The following IQGAP1 variants were observed in gnomAD, a reference collection of about 807,000 sequenced individuals.
IQGAP1 encodes the protein IQ motif containing GTPase activating protein 1, also known as ras GTPase-activating-like protein IQGAP1.
In IQGAP1, 66 loss-of-function variants were observed where a neutral mutation model predicts 215.6. The ratio of observed to expected loss-of-function variants is 0.31; its 90% CI spans 0.25 to 0.38. IQGAP1 has a LOEUF of 0.38. Ranked by LOEUF, IQGAP1 falls within the 10% of genes least tolerant of loss-of-function variation. The pLI is 1.00. For missense variants in IQGAP1, 1,712 were observed against 1,997.1 expected (o/e 0.86, Z 2.72); for synonymous variants, 772 against 728.7 (o/e 1.06, Z -0.96).
rs1334102352 is a variant in IQGAP1, at chr15:90,501,200, C to G, written c.*1092C>G. On this transcript the variant is annotated 3_prime_UTR_variant, in exon 38 of 38. Coordinates refer to ENST00000268182, the MANE Select transcript of IQGAP1 (RefSeq NM_003870.4). ...TTAATTGTCTAAAACAAAAACAAAA[C>G]CAGCCAACCTATGTTACACGTGAGA... The G allele has an allele frequency of 6.6e-6, 1 of 152,302 alleles. No homozygotes were observed. Among genetic ancestry groups the G allele is most frequent in the African/African-American group, 2.4e-5 (1 of 41,384 alleles). 9.4% of individuals were successfully genotyped at this position (152,302 alleles called of 1,614,324 possible).
chr15:90,410,773 A>G (rs1349290074), intron 2 of IQGAP1, among the ~76,000 whole-genome samples: 1 of 151,876 alleles, frequency 6.6e-6, no homozygotes, highest in Non-Finnish European at 1.5e-5. Context: ...CAGCACACCA[A>G]CATGGCACGT....
chr15:90,480,737 C>G (rs1966046838), intron 26 of IQGAP1, among the ~76,000 whole-genome samples: 1 of 152,186 alleles, frequency 6.6e-6, no homozygotes, highest in East Asian at 1.9e-4. Flanking sequence ...GGTGTAATCT[C>G]AGCTCACTGC....
intron 9 of IQGAP1, among the ~76,000 whole-genome samples, chr15:90,445,778 G>C (rs1325642387): frequency 6.6e-6 from 1 of 151,686 alleles, no homozygotes; most frequent in African/African-American, 2.4e-5. Context: ...AACTAGAGAG[G>C]ATTTAGAAGA....
intron 2 of IQGAP1, among the ~76,000 whole-genome samples, chr15:90,412,319 G>A (rs1358570113): frequency 1.3e-5 from 2 of 152,116 alleles, no homozygotes; most frequent in African/African-American, 2.4e-5. Context: ...TGAAAAACAA[G>A]CCTTTTTTGT....
rs943494137 is a variant in IQGAP1, at chr15:90,484,235, T to G, written c.3804T>G (p.Thr1268=). 6 of 1,613,740 alleles carry G rather than the reference T, an allele frequency of 3.7e-6. No individual in the cohort carries two copies. The African/African-American group carries it at 8.0e-5, about 22-fold the overall frequency. ...SYQKFRRFFQ[T]ACDVPELQDK... is the part of the protein sequence containing the mutation. The stretch of plus-strand genomic sequence containing the variant: ...CTTATTTCAGACGGTTTTTCCAAAC[T>G]GCTTGTGATGTCCCAGAGCTTCAGG... Residue 1268 remains threonine, a synonymous_variant, in exon 30 of 38, where the codon ACT becomes ACG. Transcript: ENST00000268182.
At chr15:90,483,125 A>C in intron 28 of IQGAP1, 1 of 441,726 alleles carries the variant, frequency 2.3e-6, no homozygotes, top group South Asian at 2.9e-5. Flanking sequence ...AACTACTGGC[A>C]GTAGTTTTCA....
intron 2 of IQGAP1, among the ~76,000 whole-genome samples, chr15:90,407,363 A>T (rs1453473007): frequency 6.6e-6 from 1 of 152,186 alleles, no homozygotes; most frequent in Non-Finnish European, 1.5e-5. Flanking sequence ...TAGTTTAGGA[A>T]TTCAGTCAAC....
Position 90,441,651 on chromosome 15 carries a change from T to C in IQGAP1, c.795T>C (p.Ala265=), listed in dbSNP as rs1165291106. 3 of 1,611,038 alleles carry C rather than the reference T, an allele frequency of 1.9e-6. No individual in the cohort carries two copies. Among genetic ancestry groups the C allele is most frequent in the Non-Finnish European group, 2.5e-6 (3 of 1,178,834 alleles). Residue 265 remains alanine (A), a synonymous_variant, in exon 8 of 38, where the codon GCT becomes GCC. Coordinates refer to ENST00000268182, the MANE Select transcript of IQGAP1 (RefSeq NM_003870.4). Reference sequence around the variant, plus strand: ...CTTACCAGGATATACTTTACCAGGCTAAGCAGGACAAAATGACAAATGCTA... The same window carrying C: ...CTTACCAGGATATACTTTACCAGGCCAAGCAGGACAAAATGACAAATGCTA... ...ASTYQDILYQ[A]KQDKMTNAKN...
At chr15:90,459,699 GTTTTTTGTTT>G (rs894517877) in intron 15 of IQGAP1, among the ~76,000 whole-genome samples, 2 of 152,040 alleles carry the variant, frequency 1.3e-5, no homozygotes, top group African/African-American at 4.8e-5. Flanking sequence ...TTTGGTTTGG[GTTTTTTGTTT>G]TGTTTTGTTT....
intron 26 of IQGAP1, among the ~76,000 whole-genome samples, chr15:90,479,605 G>T (rs956228370): frequency 7.3e-5 from 11 of 151,562 alleles, no homozygotes; most frequent in Non-Finnish European, 1.6e-4. Context: ...AATTAGCTGG[G>T]TGTGGTTGTG....
chr15:90,392,617 C>T (rs755745173), intron 2 of IQGAP1, among the ~76,000 whole-genome samples: 2 of 152,090 alleles, frequency 1.3e-5, no homozygotes, highest in African/African-American at 4.8e-5. Flanking sequence ...TGGCTAACAC[C>T]TCCCCTCCCC....
At chr15:90,449,822 T>C (rs1353069114) in intron 11 of IQGAP1, among the ~76,000 whole-genome samples, 179 bp downstream of exon 11, 1 of 152,226 alleles carries the variant, frequency 6.6e-6, no homozygotes, top group Non-Finnish European at 1.5e-5. Flanking sequence ...TTTTAATTGC[T>C]GTGTAATAGT....
intron 11 of IQGAP1, among the ~76,000 whole-genome samples, chr15:90,450,677 A>C (rs1400937989): frequency 6.6e-6 from 1 of 151,808 alleles, no homozygotes; most frequent in Non-Finnish European, 1.5e-5. Flanking sequence ...TGTGGTTTTG[A>C]TGTGTATTTC....
At position 90,441,519 on chromosome 15, in the gene IQGAP1, T is replaced by A; in HGVS notation, c.663T>A (p.Val221=). ...SVDEAALHAA[V]IAINEAIDRR... The stretch of plus-strand genomic sequence containing the variant: ...TTTTTTTTTTAGTACATGCTGCTGT[T>A]ATTGCTATTAATGAAGCTATTGACC... The change falls in exon 8 of 38, where the codon GTT becomes GTA. Residue 221 remains valine, a synonymous_variant. Transcript: ENST00000268182. The A allele has an allele frequency of 6.2e-7, 1 of 1,613,344 alleles. No homozygotes were observed. The highest frequency in any genetic ancestry group is 8.5e-7 in the Non-Finnish European group (1 of 1,179,650).
At chr15:90,464,557 T>C (rs1323897567) in intron 15 of IQGAP1, among the ~76,000 whole-genome samples, 1 of 151,848 alleles carries the variant, frequency 6.6e-6, no homozygotes, top group African/African-American at 2.4e-5. Context: ...TTCTTGAAAA[T>C]TGGAAGATAA....
chr15:90,446,971 A>T (rs907760241), intron 9 of IQGAP1, among the ~76,000 whole-genome samples: 21 of 152,322 alleles, frequency 1.4e-4, no homozygotes, highest in East Asian at 1.2e-3. Flanking sequence ...AGCAAAATTT[A>T]CTAGATGCTT....
intron 2 of IQGAP1, among the ~76,000 whole-genome samples, chr15:90,403,348 G>A (rs1222626564): frequency 6.6e-6 from 1 of 152,038 alleles, no homozygotes; most frequent in African/African-American, 2.4e-5. Flanking sequence ...CTTGACTTTT[G>A]GGGTTTTCCT....
At position 90,501,491 on chromosome 15, in the gene IQGAP1, A is replaced by G; in HGVS notation, c.*1383A>G. On this transcript the variant is annotated 3_prime_UTR_variant, in exon 38 of 38. Coordinates refer to ENST00000268182, the MANE Select transcript of IQGAP1 (RefSeq NM_003870.4). ...TTGATTCAGTATTCTTTTATCATAA[A>G]TTTTTAGCATTTAAAAATTCACTGA... 1 of 152,094 alleles carries G rather than the reference A, an allele frequency of 6.6e-6. No homozygotes were observed. Among genetic ancestry groups the G allele is most frequent in the East Asian group, 1.9e-4 (1 of 5,204 alleles). The allele number at this position is 152,094 out of a possible 1,614,324, so 9.4% of individuals were successfully genotyped here. A position where few individuals can be genotyped will look rare whatever the true frequency, so the allele number is the denominator to read the frequency against.
chr15:90,462,919 G>A (rs1043893824), intron 15 of IQGAP1, among the ~76,000 whole-genome samples: 2 of 152,116 alleles, frequency 1.3e-5, no homozygotes, highest in African/African-American at 2.4e-5. Context: ...TCTAGCCTGG[G>A]CTTTAACACT....
Sources: allele counts gnomAD v4.1 joint callset (sites outside exome capture counted in the v4.1 genomes callset), GRCh38; gene constraint gnomAD v4.1.1; transcripts MANE v1.5; gene names NCBI Gene and HGNC (gene_info 2026-07-23, HGNC 2026-07-21).